Variants in GTF2F2 observed in about 807,000 individuals in gnomAD.
GTF2F2 encodes the protein ATP-dependent helicase GTF2F2.
A neutral mutation model predicts 42.2 loss-of-function variants in GTF2F2; 23 were observed. The ratio of observed to expected loss-of-function variants is 0.55; its 90% CI spans 0.39 to 0.77. The LOEUF (loss-of-function observed/expected upper bound fraction) is 0.77. Among genes scored for constraint, GTF2F2 ranks in the 30% least tolerant of loss-of-function variants. The pLI is 0.00. For synonymous variants in GTF2F2, 105 were observed against 100.8 expected, an observed-to-expected ratio of 1.04 and a Z score of -0.25; for missense variants, 261 against 287.2, an observed-to-expected ratio of 0.91 and a Z score of 0.66.
At chr13:45,133,960 A>G (rs1302021928) in intron 1 of GTF2F2, among the ~76,000 whole-genome samples, 1 of 152,152 alleles carries the variant, frequency 6.6e-6, no homozygotes, top group Non-Finnish European at 1.5e-5. Context: ...TTCCGCCACA[A>G]AAGTACTAAG....
intron 1 of GTF2F2, among the ~76,000 whole-genome samples, chr13:45,124,979 T>C (rs1388719883): frequency 6.6e-6 from 1 of 152,306 alleles, no homozygotes; most frequent in Non-Finnish European, 1.5e-5. Flanking sequence ...CCTTCCCGGC[T>C]AGCTTTCATT....
intron 4 of GTF2F2, among the ~76,000 whole-genome samples, chr13:45,190,790 C>T (rs1477633808): frequency 1.1e-4 from 17 of 151,360 alleles, no homozygotes; most frequent in Admixed American, 1.1e-3. Flanking sequence ...CTCGCTCTGT[C>T]ACCTAGGCTG....
chr13:45,120,792 C>G, intron 1 of GTF2F2, 71 bp downstream of exon 1: 2 of 1,103,356 alleles, frequency 1.8e-6, no homozygotes, highest in Non-Finnish European at 2.7e-6. Context: ...GAGCCTATCC[C>G]GCTCCGTGCG....
chr13:45,136,691 T>C (rs747381194), intron 1 of GTF2F2, 42 bp from the exon 2 acceptor site: 2 of 990,138 alleles, frequency 2.0e-6, no homozygotes, highest in East Asian at 2.4e-5. Context: ...GAAAAGATGT[T>C]AGCATCTAAA....
chr13:45,155,374 C>A (rs1316773207), intron 4 of GTF2F2, among the ~76,000 whole-genome samples: 1 of 152,128 alleles, frequency 6.6e-6, no homozygotes, highest in East Asian at 1.9e-4. Flanking sequence ...TTTATTAGTG[C>A]ACAGGTCTAT....
At chr13:45,272,329 A>G (rs1381584196) in intron 7 of GTF2F2, among the ~76,000 whole-genome samples, 1 of 150,534 alleles carries the variant, frequency 6.6e-6, no homozygotes, top group Non-Finnish European at 1.5e-5. Context: ...TTGAATAGTG[A>G]TTCTAATAGA....
chr13:45,138,120 C>G (rs981969747), intron 2 of GTF2F2, among the ~76,000 whole-genome samples: 1 of 152,084 alleles, frequency 6.6e-6, no homozygotes, highest in Admixed American at 6.6e-5. Flanking sequence ...ATCTCTTCTC[C>G]TCTCGCCTCA....
chr13:45,192,252 G>A (rs963876658), intron 4 of GTF2F2, among the ~76,000 whole-genome samples: 1 of 152,074 alleles, frequency 6.6e-6, no homozygotes, highest in South Asian at 2.1e-4. Flanking sequence ...TGTAGCTAAT[G>A]TGGAATTTGG....
At chr13:45,227,408 A>G (rs1303641960) in intron 5 of GTF2F2, among the ~76,000 whole-genome samples, 1 of 152,244 alleles carries the variant, frequency 6.6e-6, no homozygotes, top group East Asian at 1.9e-4. Flanking sequence ...TCAGCATTGA[A>G]GAACCTAGGT....
intron 5 of GTF2F2, among the ~76,000 whole-genome samples, chr13:45,236,475 A>AC (rs951949565): frequency 6.9e-6 from 1 of 144,186 alleles, no homozygotes; most frequent in Non-Finnish European, 1.5e-5. Context: ...TTGATTCCTC[A>AC]CCCCCCGCCA....
intron 7 of GTF2F2, among the ~76,000 whole-genome samples, chr13:45,273,392 C>G (rs1054083497): frequency 3.3e-5 from 5 of 151,836 alleles, no homozygotes; most frequent in Non-Finnish European, 7.4e-5. Flanking sequence ...TGTTTTTTAC[C>G]TCATCCTGAA....
chr13:45,191,224 A>AAAAAAAAAATATATAT, intron 4 of GTF2F2, among the ~76,000 whole-genome samples: 75 of 75,280 alleles, frequency 1.0e-3, no homozygotes, highest in African/African-American at 5.5e-3. Context: ...ACAAAAAAAA[A>AAAAAAAAAATATATAT]ATATATATAT....
chr13:45,172,066 G>A lies in GTF2F2; in HGVS notation c.304+20235G>A, dbSNP rs1020504256. Among the ~76,000 whole-genome samples the A allele has an allele frequency of 1.6e-4, 24 of 152,162 alleles. No individual in the cohort carries two copies. In the South Asian group the frequency reaches 2.5e-3, roughly 16 times the overall value. On this transcript the variant is annotated intron_variant, in intron 4 of 7. Coordinates refer to ENST00000340473, the MANE Select transcript of GTF2F2 (RefSeq NM_004128.3). ...GAATGATGCTGCTATGAATATTTGT[G>A]TACAAGTTTTTGTGGGAACTTAAGT...
chr13:45,218,577 A>G (rs1340904131), intron 5 of GTF2F2, among the ~76,000 whole-genome samples: 1 of 152,236 alleles, frequency 6.6e-6, no homozygotes, highest in Non-Finnish European at 1.5e-5. Flanking sequence ...TTTTCTTACC[A>G]GTTTACTTAA....
At chr13:45,238,277 A>AC (rs1362656375) in intron 5 of GTF2F2, among the ~76,000 whole-genome samples, 1 of 151,988 alleles carries the variant, frequency 6.6e-6, no homozygotes, top group Non-Finnish European at 1.5e-5. Flanking sequence ...AAAGAATGAA[A>AC]CTCAAGTATT....
At chr13:45,258,367 A>G (rs1387621732) in intron 6 of GTF2F2, among the ~76,000 whole-genome samples, 1 of 151,902 alleles carries the variant, frequency 6.6e-6, no homozygotes, top group African/African-American at 2.4e-5. Context: ...CAATACAAAA[A>G]AAAAAAAAGA....
chr13:45,274,198 T>C (rs1455011359), intron 7 of GTF2F2, among the ~76,000 whole-genome samples: 16 of 152,188 alleles, frequency 1.1e-4, no homozygotes, highest in Admixed American at 1.0e-3. Context: ...CCACTGTTTA[T>C]TGGATATATT....
At chr13:45,127,094 G>A (rs1242737008) in intron 1 of GTF2F2, among the ~76,000 whole-genome samples, 1 of 152,128 alleles carries the variant, frequency 6.6e-6, no homozygotes, top group Non-Finnish European at 1.5e-5. Context: ...AATAGGCCGG[G>A]ACTTCTGGGA....
intron 7 of GTF2F2, among the ~76,000 whole-genome samples, chr13:45,274,079 C>T (rs2138272164): frequency 6.6e-6 from 1 of 152,250 alleles, no homozygotes; most frequent in Middle Eastern, 3.4e-3. Context: ...CCTTGTACTG[C>T]CAGCACTGGC....
Sources: allele counts gnomAD v4.1 joint callset (sites outside exome capture counted in the v4.1 genomes callset), GRCh38; gene constraint gnomAD v4.1.1; transcripts MANE v1.5; gene names NCBI Gene and HGNC (gene_info 2026-07-23, HGNC 2026-07-21).